Variants in TET1 observed in about 807,000 individuals in gnomAD.
TET1 encodes methylcytosine dioxygenase TET1.
TET1 carries 13 observed loss-of-function variants against 148.7 expected under a neutral mutation model. That is an observed-to-expected ratio of 0.09 (90% confidence interval 0.06 to 0.14). TET1 has a LOEUF of 0.14. TET1 is among the 10% of genes least tolerant of loss of function. The pLI is 1.00. For missense variants in TET1, 2,182 were observed against 2,553.8 expected (o/e 0.85, Z 3.14); for synonymous variants, 907 against 937.2 (o/e 0.97, Z 0.59).
At chr10:68,662,406 A>G (rs886717771) in intron 6 of TET1, among the ~76,000 whole-genome samples, 15 of 152,058 alleles carry the variant, frequency 9.9e-5, no homozygotes, top group Non-Finnish European at 1.5e-4. Context: ...TCATGATTCA[A>G]TTTGCATTGT....
intron 1 of TET1, among the ~76,000 whole-genome samples, chr10:68,563,263 C>G (rs1378421991): frequency 6.6e-6 from 1 of 152,172 alleles, no homozygotes; most frequent in Non-Finnish European, 1.5e-5. Flanking sequence ...TTTACATGTG[C>G]CGAGGGCTCT....
intron 3 of TET1, among the ~76,000 whole-genome samples, chr10:68,618,068 C>T (rs924117869): frequency 6.6e-6 from 1 of 151,956 alleles, no homozygotes; most frequent in Non-Finnish European, 1.5e-5. Flanking sequence ...GTCACCATAC[C>T]TGGCTTTGAA....
At chr10:68,567,676 T>C (rs2053622462) in intron 1 of TET1, among the ~76,000 whole-genome samples, 1 of 151,404 alleles carries the variant, frequency 6.6e-6, no homozygotes, top group South Asian at 2.1e-4. Flanking sequence ...GGTCAGGAAT[T>C]GGAGACCAGC....
chr10:68,676,193 AAGATATATATGT>A (rs2055347445), intron 8 of TET1, among the ~76,000 whole-genome samples: 1 of 121,188 alleles, frequency 8.3e-6, no homozygotes. Context: ...GTGTATACAC[AAGATATATATGT>A]ATATATATAC....
At chr10:68,657,375 G>A (rs1455320820) in intron 6 of TET1, among the ~76,000 whole-genome samples, 2 of 151,964 alleles carry the variant, frequency 1.3e-5, no homozygotes, top group South Asian at 2.1e-4. Context: ...ACGGGGTTTC[G>A]CCGTGTTAGC....
At chr10:68,582,098 A>ATT (rs111735904) in intron 2 of TET1, among the ~76,000 whole-genome samples, 2 of 102,560 alleles carry the variant, frequency 2.0e-5, no homozygotes, top group Non-Finnish European at 4.5e-5. Context: ...AGATGACACT[A>ATT]TTTTTTTTTT....
intron 3 of TET1, among the ~76,000 whole-genome samples, chr10:68,629,682 T>G (rs897028564): frequency 2.0e-5 from 3 of 151,710 alleles, no homozygotes; most frequent in African/African-American, 7.3e-5. Flanking sequence ...GGACTACAGG[T>G]GCCTGCCACC....
chr10:68,679,979 TC>T (rs1293891688), intron 8 of TET1, among the ~76,000 whole-genome samples: 1 of 152,160 alleles, frequency 6.6e-6, no homozygotes, highest in Non-Finnish European at 1.5e-5. Flanking sequence ...CAGCTGACTT[TC>T]CTGTTTTTTA....
chr10:68,683,709 G>A (rs1294121043), intron 10 of TET1, among the ~76,000 whole-genome samples: 1 of 152,186 alleles, frequency 6.6e-6, no homozygotes, highest in Non-Finnish European at 1.5e-5. Flanking sequence ...AACGCGCTCG[G>A]CCAATTTTTT....
In TET1 at chr10:68,574,003, T is replaced by C. The variant is rs750733583; in HGVS notation, c.1665T>C (p.His555=). 1.2e-6 allele frequency: 2 copies of C among 1,614,166 alleles called. No individual in the cohort carries two copies. Among genetic ancestry groups the C allele is most frequent in the African/African-American group, 1.3e-5 (1 of 75,026 alleles). The change falls in exon 2 of 12, where the codon CAT becomes CAC. Residue 555 remains histidine, a synonymous_variant. Transcript: ENST00000373644. ...SSQVSVTSTV[H]VVNTTVVTMP... ...AGGTCAGTGTAACCAGCACAGTTCATGTTGTCAACACCACAGTGGTGACTA... is the reference window on the plus strand; with the variant it reads ...AGGTCAGTGTAACCAGCACAGTTCACGTTGTCAACACCACAGTGGTGACTA...
intron 1 of TET1, among the ~76,000 whole-genome samples, chr10:68,564,369 G>A (rs926757059): frequency 6.6e-6 from 1 of 151,858 alleles, no homozygotes; most frequent in African/African-American, 2.4e-5. Flanking sequence ...GGCTGGTTTC[G>A]AACTCCTGAC....
intron 2 of TET1, among the ~76,000 whole-genome samples, chr10:68,580,805 A>ATAT (rs1324671763): frequency 4.2e-5 from 4 of 94,364 alleles, no homozygotes; most frequent in African/African-American, 1.7e-4. Flanking sequence ...AAAAAAAAAA[A>ATAT]ATATATATAT....
Position 68,690,835 on chromosome 10 carries a change from A to T in TET1, c.5432A>T (p.Glu1811Val). Residue 1811 changes from glutamate to valine, a missense_variant, in exon 12 of 12, where the codon GAA becomes GTA. By Grantham distance (121) the Glu-to-Val change is moderately radical. This residue lies in a region of TET1 where 380 missense variants were observed against 387.9 expected (regional missense o/e 0.98). Coordinates refer to ENST00000373644, the MANE Select transcript of TET1 (RefSeq NM_030625.3). ...AGTAACACTGAGACCGTGCAACCTG[A>T]AGTAAAAAGTGAAACCGAACCCCAT... ...LGSNTETVQP[E>V]VKSETEPHFI... 6.2e-7 allele frequency: 1 copy of T among 1,611,200 alleles called. No homozygotes were observed. Among genetic ancestry groups the T allele is most frequent in the Non-Finnish European group, 8.5e-7 (1 of 1,177,750 alleles).
chr10:68,674,731 T>G, intron 8 of TET1: 1 of 491,210 alleles, frequency 2.0e-6, no homozygotes, highest in Non-Finnish European at 4.0e-6. Flanking sequence ...ATGTGTTCTG[T>G]GTTGGTTTTA....
intron 4 of TET1, among the ~76,000 whole-genome samples, chr10:68,647,728 C>T (rs1357924355): frequency 6.6e-6 from 1 of 152,080 alleles, no homozygotes; most frequent in Non-Finnish European, 1.5e-5. Flanking sequence ...ATAGAAGATA[C>T]ATATAGAGAA....
At position 68,627,914 on chromosome 10, in the gene TET1, C is replaced by T. The variant is rs1050976887; in HGVS notation, c.1969-16784C>T. ...TCGCACCACTGCACTCCAGCCGGGG[C>T]GGCTGAGCGAGACTATGTCTAAAAA... is the stretch of plus-strand genomic sequence containing the variant. On this transcript the variant is annotated intron_variant, in intron 3 of 11. Transcript: ENST00000373644. Among the ~76,000 whole-genome samples the T allele has an allele frequency of 7.9e-5, 12 of 151,936 alleles. No homozygotes were observed. The East Asian group carries it at 1.4e-3, about 17-fold the overall frequency.
intron 2 of TET1, among the ~76,000 whole-genome samples, chr10:68,574,802 C>T (rs868616971): frequency 1.0e-3 from 156 of 152,300 alleles, no homozygotes; most frequent in African/African-American, 3.4e-3. Flanking sequence ...TCTACCTGCT[C>T]TACCAACCTC....
chr10:68,611,734 C>CT (rs2054216352), intron 3 of TET1, among the ~76,000 whole-genome samples: 1 of 146,882 alleles, frequency 6.8e-6, no homozygotes, highest in Admixed American at 7.0e-5. Context: ...GAGTCTCGCT[C>CT]TGTTGCCCAG....
intron 8 of TET1, among the ~76,000 whole-genome samples, chr10:68,680,936 T>C (rs756908707): frequency 6.6e-6 from 1 of 152,262 alleles, no homozygotes; most frequent in Admixed American, 6.5e-5. Context: ...TAAGGACATA[T>C]GGATTCCATT....
Sources: gnomAD v4.1 joint callset for allele counts (sites outside exome capture counted in the v4.1 genomes callset) on GRCh38, gnomAD v4.1.1 for gene constraint, gnomAD v4.1.1 regional missense constraint, MANE v1.5 for transcripts, NCBI Gene and HGNC (gene_info 2026-07-23, HGNC 2026-07-21) for gene names.